RELN: variants seen among roughly 807,000 people sequenced by gnomAD.
RELN encodes the protein reelin.
Under a neutral mutation model 427.6 loss-of-function variants are expected in RELN, and 108 were observed. The observed-to-expected ratio is 0.25, with a 90% CI of 0.22 to 0.30. The LOEUF (loss-of-function observed/expected upper bound fraction) is 0.30, where lower values mean the gene tolerates loss of function less well. RELN is among the 10% of genes least tolerant of loss of function. RELN has a pLI of 1.00. For missense variants in RELN, 3,715 were observed against 4,302.8 expected (o/e 0.86, Z 3.82); for synonymous variants, 1,524 against 1,513.4 (o/e 1.01, Z -0.16).
chr7:103,975,515 GTATTTATTTATT>G (rs1554451147), intron 1 of RELN, among the ~76,000 whole-genome samples: 130 of 141,876 alleles, frequency 9.2e-4, no homozygotes, highest in African/African-American at 2.3e-3. Flanking sequence ...GAATGGAGCA[GTATTTATTTATT>G]TATTTATTTA....
intron 16 of RELN, among the ~76,000 whole-genome samples, chr7:103,642,241 T>C (rs1027930930): frequency 6.6e-6 from 1 of 152,102 alleles, no homozygotes; most frequent in Non-Finnish European, 1.5e-5. Context: ...GACTCTGCCA[T>C]GAAGGAAGAC....
intron 28 of RELN, among the ~76,000 whole-genome samples, chr7:103,584,451 GT>G (rs1383770861): frequency 2.6e-5 from 4 of 152,076 alleles, no homozygotes; most frequent in Non-Finnish European, 4.4e-5. Flanking sequence ...TTCAACAAAA[GT>G]TTAAAAAGAC....
intron 57 of RELN, among the ~76,000 whole-genome samples, chr7:103,493,873 A>C (rs963800437): frequency 3.9e-5 from 6 of 152,196 alleles, no homozygotes; most frequent in African/African-American, 1.4e-4. Context: ...TCAAGTATGT[A>C]GTTTTAGTGA....
Position 103,589,658 on chromosome 7 carries a change from G to A in RELN, c.4083C>T (p.His1361=). ...TTGTCCATTCTTCAAAGTCCCCTGTGTGATACATGGTGGGCTCACTTAGTT... is the reference window on the plus strand; with the variant it reads ...TTGTCCATTCTTCAAAGTCCCCTGTATGATACATGGTGGGCTCACTTAGTT... ...SRELSEPTMY[H]TGDFEEWTRI... Residue 1361 remains histidine (H), a synonymous_variant, in exon 28 of 65, where the codon CAC becomes CAT. Coordinates refer to ENST00000428762, the MANE Select transcript of RELN (RefSeq NM_005045.4). 6.2e-7 allele frequency: 1 copy of A among 1,614,092 alleles called. No individual in the cohort carries two copies. The highest frequency in any genetic ancestry group is 1.1e-5 in the South Asian group (1 of 91,076).
At chr7:103,818,144 AAC>A (rs1399626573) in intron 3 of RELN, among the ~76,000 whole-genome samples, 1 of 152,126 alleles carries the variant, frequency 6.6e-6, no homozygotes, top group Non-Finnish European at 1.5e-5. Flanking sequence ...AGTTAAAAAT[AAC>A]ACAGGATTTT....
chr7:103,748,381 C>A (rs1017101161), intron 6 of RELN, among the ~76,000 whole-genome samples: 2 of 151,902 alleles, frequency 1.3e-5, no homozygotes, highest in African/African-American at 4.8e-5. Flanking sequence ...GAAGCCTCAA[C>A]ACTCTATATG....
chr7:103,677,563 C>T (rs558151633), intron 11 of RELN, among the ~76,000 whole-genome samples: 17 of 149,346 alleles, frequency 1.1e-4, no homozygotes, highest in African/African-American at 3.7e-4. Flanking sequence ...GTCAGGAGTT[C>T]GAGACGAGCC....
chr7:103,708,755 C>T (rs911237355), intron 8 of RELN, among the ~76,000 whole-genome samples: 5 of 152,216 alleles, frequency 3.3e-5, no homozygotes, highest in East Asian at 1.9e-4. Context: ...TGACTCTTAA[C>T]GCTGGTTAGT....
At chr7:103,954,873 T>A (rs568173986) in intron 1 of RELN, among the ~76,000 whole-genome samples, 6 of 152,332 alleles carry the variant, frequency 3.9e-5, no homozygotes, top group African/African-American at 1.4e-4. Flanking sequence ...TCCTTTGTGC[T>A]AATTTTTAAA....
At chr7:103,886,334 T>C (rs1031869076) in intron 2 of RELN, among the ~76,000 whole-genome samples, 1 of 152,230 alleles carries the variant, frequency 6.6e-6, no homozygotes. Flanking sequence ...GATTTTTTTC[T>C]TTATGCATCA....
In RELN at chr7:103,569,081, G is replaced by A. The variant is rs1830824579; in HGVS notation, c.4589-2322C>T. Among the ~76,000 whole-genome samples, 1 of 152,218 alleles carries A rather than the reference G, an allele frequency of 6.6e-6. No individual in the cohort carries two copies. The highest frequency in any genetic ancestry group is 1.5e-5 in the Non-Finnish European group (1 of 68,048). On this transcript the variant is annotated intron_variant, in intron 31 of 64. Transcript: ENST00000428762. This position sits in a 1 kb window ranked among gnomAD's most constrained non-coding sequence, Gnocchi z 4.0. ...TAGAATATGGTGGAAGTAATGGTGT[G>A]TAACTTTGGAAACAGTCATAAAAGG...
intron 50 of RELN, among the ~76,000 whole-genome samples, chr7:103,514,346 G>A (rs1175476123): frequency 6.6e-6 from 1 of 151,828 alleles, no homozygotes; most frequent in Admixed American, 6.5e-5. Context: ...GTCATGAAAT[G>A]AAAACAAGAC....
At chr7:103,917,906 C>G (rs777322913) in intron 1 of RELN, among the ~76,000 whole-genome samples, 1 of 152,078 alleles carries the variant, frequency 6.6e-6, no homozygotes, top group Non-Finnish European at 1.5e-5. Context: ...ACCCTAAAAC[C>G]TGACCATAAT....
At chr7:103,891,022 C>T (rs1794837737) in intron 2 of RELN, among the ~76,000 whole-genome samples, 1 of 152,074 alleles carries the variant, frequency 6.6e-6, no homozygotes, top group Admixed American at 6.6e-5. Flanking sequence ...GCAGAGGTTG[C>T]AGTGAGCAGA....
At chr7:103,895,277 C>T (rs911903935) in intron 2 of RELN, among the ~76,000 whole-genome samples, 1 of 151,664 alleles carries the variant, frequency 6.6e-6, no homozygotes, top group African/African-American at 2.4e-5. Context: ...ATATACATGG[C>T]GGTTGTTGAC....
rs745955015 is a variant in RELN, at chr7:103,708,464, CT to C, written c.806-7459del. Among the ~76,000 whole-genome samples the C allele has an allele frequency of 1.6e-3, 177 of 110,022 alleles. 1 individual carries two copies. The highest frequency in any genetic ancestry group is 2.3e-3 in the Admixed American group (25 of 10,694). 72.2% of individuals were successfully genotyped at this position (110,022 alleles called of 152,430 possible). ...CACCCAAACACCAGTGGGTATGACTCTTTTTTTTTTTTTTTTTGAGACGGAG... is the reference window on the plus strand; with the variant it reads ...CACCCAAACACCAGTGGGTATGACTCTTTTTTTTTTTTTTTTGAGACGGAG... On this transcript the variant is annotated intron_variant, in intron 8 of 64. Transcript: ENST00000428762.
intron 3 of RELN, among the ~76,000 whole-genome samples, chr7:103,830,720 G>A (rs1257002680): frequency 6.6e-6 from 1 of 151,918 alleles, no homozygotes; most frequent in Non-Finnish European, 1.5e-5. Flanking sequence ...TCCTTCAGTG[G>A]CCCATGTTCA....
intron 46 of RELN, among the ~76,000 whole-genome samples, chr7:103,529,404 A>T (rs1184285636): frequency 1.3e-5 from 2 of 151,516 alleles, no homozygotes; most frequent in East Asian, 3.9e-4. Context: ...GTGACTTAAA[A>T]TAGCCAAGTC....
intron 1 of RELN, among the ~76,000 whole-genome samples, chr7:103,984,818 C>G (rs1330997153): frequency 2.0e-5 from 3 of 152,154 alleles, no homozygotes; most frequent in Non-Finnish European, 4.4e-5. Flanking sequence ...ATCACCTGAT[C>G]AGCAATGCAG....
Sources: gnomAD v4.1 joint callset for allele counts (sites outside exome capture counted in the v4.1 genomes callset) on GRCh38, gnomAD v4.1.1 for gene constraint, Gnocchi (gnomAD v3.1) non-coding constraint, MANE v1.5 for transcripts, NCBI Gene and HGNC (gene_info 2026-07-23, HGNC 2026-07-21) for gene names.